The following CAMK2D variants were observed in gnomAD, a reference collection of about 807,000 sequenced individuals.
CAMK2D encodes the protein calcium/calmodulin dependent protein kinase II delta.
Under a neutral mutation model 84.0 loss-of-function variants are expected in CAMK2D, and 37 were observed. That is an observed-to-expected ratio of 0.44 (90% CI 0.34 to 0.58). CAMK2D has a LOEUF of 0.58. Among genes scored for constraint, CAMK2D ranks in the 20% least tolerant of loss-of-function variants. The pLI, the probability that CAMK2D is intolerant of heterozygous loss-of-function variation, is 0.02. For missense variants in CAMK2D, 448 were observed against 652.5 expected (o/e 0.69, Z 3.41); for synonymous variants, 202 against 212.5 (o/e 0.95, Z 0.43).
chr4:113,606,293 A>T (rs1350227450), intron 4 of CAMK2D, among the ~76,000 whole-genome samples: 1 of 151,990 alleles, frequency 6.6e-6, no homozygotes, highest in Non-Finnish European at 1.5e-5. Context: ...ACATGGTGAA[A>T]CCCCGTCTCT....
intron 2 of CAMK2D, among the ~76,000 whole-genome samples, chr4:113,668,480 G>GT (rs1322720478): frequency 6.6e-6 from 1 of 152,130 alleles, no homozygotes; most frequent in East Asian, 1.9e-4. Flanking sequence ...AAAAATTATA[G>GT]TGTCAACACT....
chr4:113,752,629 C>T (rs1486402630), intron 2 of CAMK2D, among the ~76,000 whole-genome samples: 1 of 152,094 alleles, frequency 6.6e-6, no homozygotes, highest in Non-Finnish European at 1.5e-5. Context: ...GCAGTGACAA[C>T]TGAATCATTT....
At chr4:113,513,200 C>T in intron 12 of CAMK2D, 128 bp downstream of exon 12, 2 of 1,506,824 alleles carry the variant, frequency 1.3e-6, no homozygotes, top group Non-Finnish European at 1.8e-6. Context: ...ATCTGTGCCA[C>T]ACATTTGCCA....
chr4:113,497,849 T>C (rs2097961086), intron 16 of CAMK2D, among the ~76,000 whole-genome samples: 2 of 152,194 alleles, frequency 1.3e-5, no homozygotes, highest in Non-Finnish European at 1.5e-5. Context: ...CCAGCAGCAA[T>C]GGGTAGAGCA....
chr4:113,516,720 T>G (rs17046152), intron 9 of CAMK2D, among the ~76,000 whole-genome samples: 9,005 of 152,256 alleles, frequency 0.059, 890 homozygotes, highest in African/African-American at 0.2. Flanking sequence ...ACTTTCACAT[T>G]GAGCTTTCAA....
intron 3 of CAMK2D, among the ~76,000 whole-genome samples, chr4:113,616,354 T>G (rs1423403662): frequency 6.6e-6 from 1 of 152,198 alleles, no homozygotes; most frequent in Admixed American, 6.6e-5. Context: ...GTCTCCATCC[T>G]TATTCCCAAA....
chr4:113,658,077 G>A (rs371313836), intron 3 of CAMK2D, among the ~76,000 whole-genome samples: 5 of 152,278 alleles, frequency 3.3e-5, no homozygotes, highest in East Asian at 1.9e-4. Flanking sequence ...GACAGGAACT[G>A]CAGTACTTTC....
chr4:113,710,099 C>A (rs1453426846), intron 2 of CAMK2D, among the ~76,000 whole-genome samples: 1 of 151,888 alleles, frequency 6.6e-6, no homozygotes, highest in Non-Finnish European at 1.5e-5. Context: ...TCTTACATTT[C>A]AGGATATTTA....
chr4:113,625,285 A>G (rs971625326), intron 3 of CAMK2D, among the ~76,000 whole-genome samples: 2 of 152,218 alleles, frequency 1.3e-5, no homozygotes, highest in Admixed American at 6.5e-5. Context: ...GAAACAAAAT[A>G]ACGTGCCTGA....
At chr4:113,642,034 AT>A (rs759045654) in intron 3 of CAMK2D, among the ~76,000 whole-genome samples, 4 of 152,102 alleles carry the variant, frequency 2.6e-5, no homozygotes, top group Non-Finnish European at 5.9e-5. Context: ...ATAATAAAAA[AT>A]AATAAACAAT....
intron 2 of CAMK2D, among the ~76,000 whole-genome samples, chr4:113,718,434 T>C (rs140161735): frequency 6.6e-6 from 1 of 152,168 alleles, no homozygotes; most frequent in Non-Finnish European, 1.5e-5. Context: ...ATCTAAGTGA[T>C]GCCAGATGAT....
At chr4:113,732,477 T>C (rs1296677575) in intron 2 of CAMK2D, among the ~76,000 whole-genome samples, 1 of 152,192 alleles carries the variant, frequency 6.6e-6, no homozygotes, top group Non-Finnish European at 1.5e-5. Context: ...AGCAGTGGTG[T>C]TTCTAATATT....
At chr4:113,533,387 T>A (rs563131556) in intron 7 of CAMK2D, among the ~76,000 whole-genome samples, 2 of 152,146 alleles carry the variant, frequency 1.3e-5, no homozygotes, top group Admixed American at 1.3e-4. Flanking sequence ...TGTGGGAAAT[T>A]AAACTTGCAA....
chr4:113,618,367 T>C (rs2099030479), intron 3 of CAMK2D, among the ~76,000 whole-genome samples: 1 of 152,188 alleles, frequency 6.6e-6, no homozygotes, highest in Non-Finnish European at 1.5e-5. Flanking sequence ...CCCTGGAGAA[T>C]AGTAAATGGA....
chr4:113,455,674 G>A, intron 20 of CAMK2D, 52 bp downstream of exon 20: 1 of 1,008,126 alleles, frequency 9.9e-7, no homozygotes, highest in Middle Eastern at 2.1e-4. Flanking sequence ...CAGCCATGCA[G>A]CTTTTCATTC....
At chr4:113,702,698 C>T (rs1334493566) in intron 2 of CAMK2D, among the ~76,000 whole-genome samples, 3 of 152,156 alleles carry the variant, frequency 2.0e-5, no homozygotes, top group African/African-American at 7.2e-5. Context: ...TACTTGAGAT[C>T]AGGAGTTCAA....
intron 4 of CAMK2D, among the ~76,000 whole-genome samples, chr4:113,565,421 C>A: frequency 6.6e-6 from 1 of 152,012 alleles, no homozygotes; most frequent in Non-Finnish European, 1.5e-5. Context: ...GAGGCCAAGG[C>A]GGGTGGATCA....
At chr4:113,470,677 T>C (rs1223628683) in intron 16 of CAMK2D, among the ~76,000 whole-genome samples, 1 of 151,244 alleles carries the variant, frequency 6.6e-6, no homozygotes, top group Non-Finnish European at 1.5e-5. Flanking sequence ...CTGAGCCTCA[T>C]GTTAGGTCAG....
chr4:113,685,738 A>C (rs1229012233), intron 2 of CAMK2D, among the ~76,000 whole-genome samples: 1 of 152,108 alleles, frequency 6.6e-6, no homozygotes, highest in African/African-American at 2.4e-5. Context: ...AGGGCTGATA[A>C]TATTGTGGAG....
Sources: gnomAD v4.1 joint callset for allele counts (sites outside exome capture counted in the v4.1 genomes callset) on GRCh38, gnomAD v4.1.1 for gene constraint, MANE v1.5 for transcripts, NCBI Gene and HGNC (gene_info 2026-07-23, HGNC 2026-07-21) for gene names.